The following UGT2B7 variants were observed in gnomAD, a reference collection of about 807,000 sequenced individuals.
UGT2B7 encodes UDP glucuronosyltransferase family 2 member B7.
A neutral mutation model predicts 51.9 loss-of-function variants in UGT2B7; 51 were observed. That is an observed-to-expected ratio of 0.98 (90% CI 0.78 to 1.24). The LOEUF (loss-of-function observed/expected upper bound fraction) is 1.24, where lower values mean the gene tolerates loss of function less well. Among genes scored for constraint, UGT2B7 ranks in the 50% most tolerant of loss-of-function variants. UGT2B7 has a pLI of 0.00. For missense variants in UGT2B7, 727 were observed against 628.4 expected (o/e 1.16, Z -1.68); for synonymous variants, 225 against 211.6 (o/e 1.06, Z -0.55).
chr4:69,083,225 T>C (rs1372170022), intron 1 of UGT2B7, among the ~76,000 whole-genome samples: 1 of 152,128 alleles, frequency 6.6e-6, no homozygotes, highest in African/African-American at 2.4e-5. Context: ...GAGATTAATG[T>C]TGTTTTCATG....
chr4:69,069,900 A>T (rs1023639477), intron 1 of UGT2B7: 1 of 152,122 alleles, frequency 6.6e-6, no homozygotes, highest in Non-Finnish European at 1.5e-5. Flanking sequence ...TCTTTTTGAG[A>T]TCTAAGGCAG....
chr4:69,053,109 AG>A (rs1718082763), intron 1 of UGT2B7, among the ~76,000 whole-genome samples: 1 of 152,168 alleles, frequency 6.6e-6, no homozygotes, highest in Non-Finnish European at 1.5e-5. Flanking sequence ...AAGGTTAAAA[AG>A]AGTCTATAAA....
chr4:69,104,569 G>A (rs1480924841), intron 3 of UGT2B7, among the ~76,000 whole-genome samples: 2 of 152,004 alleles, frequency 1.3e-5, no homozygotes, highest in Admixed American at 6.6e-5. Context: ...ATACATTAAC[G>A]ATGCTAAAAT....
chr4:69,095,603 A>G (rs1560507930), upstream of UGT2B7, among the ~76,000 whole-genome samples: 1 of 152,338 alleles, frequency 6.6e-6, no homozygotes, highest in South Asian at 2.1e-4. Flanking sequence ...CAGCCAAATA[A>G]CTGTGAGGAA....
rs545963703 is a variant in UGT2B7, at chr4:69,110,825, A to T, written c.1311-1632A>T. On this transcript the variant is annotated intron_variant, in intron 5 of 5. Coordinates refer to ENST00000305231, the MANE Select transcript of UGT2B7 (RefSeq NM_001074.4). Reference sequence around the variant, plus strand: ...TAAATCGATATCTTCACCTCAAGATAATGTTCAAGATGATCTTACATTTTT... The same window carrying T: ...TAAATCGATATCTTCACCTCAAGATTATGTTCAAGATGATCTTACATTTTT... Among the ~76,000 whole-genome samples, 26 of 152,310 alleles carry T rather than the reference A, an allele frequency of 1.7e-4. No individual in the cohort carries two copies. In the South Asian group the frequency reaches 5.0e-3, roughly 29 times the overall value.
At chr4:69,099,925 A>G (rs1719370568) in intron 2 of UGT2B7, among the ~76,000 whole-genome samples, 1 of 152,052 alleles carries the variant, frequency 6.6e-6, no homozygotes, top group Non-Finnish European at 1.5e-5. Context: ...CAGTAAGATG[A>G]GCTACTTGAA....
intron 1 of UGT2B7, among the ~76,000 whole-genome samples, chr4:69,077,999 A>G (rs1261808022): frequency 6.6e-6 from 1 of 151,854 alleles, no homozygotes; most frequent in Non-Finnish European, 1.5e-5. Flanking sequence ...GTGATGTTGA[A>G]TTTTGTCAAT....
At chr4:69,086,427 A>G (rs1019083638) in intron 1 of UGT2B7, among the ~76,000 whole-genome samples, 2 of 151,908 alleles carry the variant, frequency 1.3e-5, no homozygotes, top group Non-Finnish European at 2.9e-5. Flanking sequence ...TTCATGTGCT[A>G]TTGAGAAGAT....
chr4:69,066,663 A>C (rs1283253220), intron 1 of UGT2B7, among the ~76,000 whole-genome samples: 2 of 152,274 alleles, frequency 1.3e-5, no homozygotes, highest in East Asian at 3.9e-4. Flanking sequence ...AATAAACTAA[A>C]AGAGGTTGAC....
intron 1 of UGT2B7, among the ~76,000 whole-genome samples, chr4:69,083,922 A>G (rs1718891517): frequency 6.6e-6 from 1 of 152,062 alleles, no homozygotes; most frequent in African/African-American, 2.4e-5. Flanking sequence ...ATATTGAATA[A>G]GAGTGGTCAA....
chr4:69,102,114 A>G (rs1389300487), intron 2 of UGT2B7, among the ~76,000 whole-genome samples: 1 of 152,194 alleles, frequency 6.6e-6, no homozygotes. Flanking sequence ...AGACTCCTGG[A>G]CTAATTCATA....
chr4:69,052,993 A>T (rs1173285100), intron 1 of UGT2B7, among the ~76,000 whole-genome samples: 1 of 152,316 alleles, frequency 6.6e-6, no homozygotes, highest in East Asian at 1.9e-4. Context: ...TATTAGCTAA[A>T]GTTAAAAAGA....
intron 5 of UGT2B7, among the ~76,000 whole-genome samples, chr4:69,110,464 C>A (rs1011407618): frequency 2.1e-5 from 2 of 94,694 alleles, no homozygotes; most frequent in Non-Finnish European, 3.8e-5. Flanking sequence ...AATCTAATAC[C>A]ATATAGAAGA....
chr4:69,056,484 C>T (rs1406614803), intron 1 of UGT2B7, among the ~76,000 whole-genome samples: 1 of 152,150 alleles, frequency 6.6e-6, no homozygotes, highest in Non-Finnish European at 1.5e-5. Context: ...TTGTTGTCTA[C>T]ACATAGATGA....
At chr4:69,098,183 A>C (rs887746046) in intron 1 of UGT2B7, among the ~76,000 whole-genome samples, 1 of 151,954 alleles carries the variant, frequency 6.6e-6, no homozygotes, top group African/African-American at 2.4e-5. Flanking sequence ...ATGGAGCTCA[A>C]AGAGTTGTTT....
At chr4:69,081,498 A>G (rs4478248) in intron 1 of UGT2B7, among the ~76,000 whole-genome samples, 87,661 of 151,964 alleles carry the variant, frequency 0.58, 26,284 homozygotes, top group African/African-American at 0.71. Context: ...TTGCCTGTAA[A>G]TTAAAATAGA....
intron 1 of UGT2B7, among the ~76,000 whole-genome samples, chr4:69,079,002 A>G (rs1718777316): frequency 6.6e-6 from 1 of 152,140 alleles, no homozygotes; most frequent in Non-Finnish European, 1.5e-5. Context: ...AGGAGGTATT[A>G]CCTGCCTGGT....
Position 69,107,289 on chromosome 4 carries a change from A to C in UGT2B7, c.1090+27A>C, listed in dbSNP as rs778529257. The C allele has an allele frequency of 2.5e-6, 4 of 1,575,036 alleles. No homozygotes were observed. The Admixed American group carries it at 5.3e-5, about 21-fold the overall frequency. ...TAAGACTCTGGTGAACAAATACTGA[A>C]TATATTAGTAACAGCACATTAGAGT... On this transcript the variant is annotated intron_variant, in intron 4 of 5. Transcript: ENST00000305231.
intron 1 of UGT2B7, among the ~76,000 whole-genome samples, chr4:69,075,254 G>A (rs1577912442): frequency 1.3e-5 from 2 of 152,236 alleles, no homozygotes; most frequent in Admixed American, 6.5e-5. Flanking sequence ...AATGTGGCAA[G>A]GCTTGTGGCT....
Sources: gnomAD v4.1 joint callset for allele counts (sites outside exome capture counted in the v4.1 genomes callset) on GRCh38, gnomAD v4.1.1 for gene constraint, MANE v1.5 for transcripts, NCBI Gene and HGNC (gene_info 2026-07-23, HGNC 2026-07-21) for gene names.